SLCO6A1: variants seen among roughly 807,000 people sequenced by gnomAD.
SLCO6A1 encodes solute carrier organic anion transporter family member 6A1.
Under a neutral mutation model 72.7 loss-of-function variants are expected in SLCO6A1, and 65 were observed. That is an observed-to-expected ratio of 0.89 (90% CI 0.73 to 1.10). The LOEUF (loss-of-function observed/expected upper bound fraction) is 1.10, where lower values mean the gene tolerates loss of function less well. Ranked by LOEUF, SLCO6A1 falls within the 50% of genes least tolerant of loss-of-function variation. SLCO6A1 has a pLI of 0.00. For missense variants in SLCO6A1, 874 were observed against 872.6 expected (o/e 1.00, Z -0.02); for synonymous variants, 314 against 298.2 (o/e 1.05, Z -0.55).
chr5:102,413,720 A>G (rs1424704808), intron 8 of SLCO6A1, among the ~76,000 whole-genome samples: 7 of 152,144 alleles, frequency 4.6e-5, no homozygotes, highest in African/African-American at 1.7e-4. Context: ...GATATTTTAC[A>G]TTTCCATCAG....
At chr5:102,488,787 G>GA (rs1161823806) in intron 1 of SLCO6A1, among the ~76,000 whole-genome samples, 1 of 152,062 alleles carries the variant, frequency 6.6e-6, no homozygotes, top group Non-Finnish European at 1.5e-5. Context: ...TCACATCAGA[G>GA]AAAAAATTCT....
chr5:102,386,343 T>C (rs1746415987), intron 12 of SLCO6A1, among the ~76,000 whole-genome samples: 1 of 151,636 alleles, frequency 6.6e-6, no homozygotes, highest in African/African-American at 2.4e-5. Context: ...TTCATGGGGG[T>C]TGAGATGGTG....
intron 8 of SLCO6A1, among the ~76,000 whole-genome samples, chr5:102,414,267 T>C (rs1474058915): frequency 6.6e-6 from 1 of 152,180 alleles, no homozygotes; most frequent in African/African-American, 2.4e-5. Context: ...TGAATTAAAA[T>C]TCATTCATTT....
intron 6 of SLCO6A1, among the ~76,000 whole-genome samples, chr5:102,448,830 G>A (rs1015558079): frequency 6.6e-5 from 10 of 151,942 alleles, no homozygotes; most frequent in Non-Finnish European, 1.0e-4. Context: ...CCGACTCGAC[G>A]GTCTGTGCCT....
intron 1 of SLCO6A1, among the ~76,000 whole-genome samples, chr5:102,493,386 A>G (rs1752773163): frequency 6.6e-6 from 1 of 152,204 alleles, no homozygotes; most frequent in African/African-American, 2.4e-5. Flanking sequence ...TTAATACAAC[A>G]AATTTTTCCT....
chr5:102,465,232 C>T (rs1238971292), intron 4 of SLCO6A1, among the ~76,000 whole-genome samples: 1 of 151,992 alleles, frequency 6.6e-6, no homozygotes, highest in African/African-American at 2.4e-5. Context: ...TGGCCCAGTT[C>T]TCAGAGAGCA....
intron 4 of SLCO6A1, among the ~76,000 whole-genome samples, chr5:102,467,460 G>A (rs1227748495): frequency 6.6e-6 from 1 of 151,828 alleles, no homozygotes; most frequent in Non-Finnish European, 1.5e-5. Context: ...TTGTGCAGGG[G>A]ACCTCCCATT....
intron 1 of SLCO6A1, among the ~76,000 whole-genome samples, chr5:102,485,604 T>C (rs1170552563): frequency 2.0e-5 from 3 of 152,196 alleles, no homozygotes; most frequent in Admixed American, 2.0e-4. Context: ...TAGTAACACT[T>C]TGGATGTGTT....
rs1281736881 is a variant in SLCO6A1 at position 102,395,721 on chromosome 5, A to G, written c.1814+3834T>C. Among the ~76,000 whole-genome samples, 38 of 152,100 alleles carry G rather than the reference A, an allele frequency of 2.5e-4. 1 individual carries two copies. The highest frequency in any genetic ancestry group is 7.4e-5 in the Non-Finnish European group (5 of 68,026). On this transcript the variant is annotated intron_variant, in intron 10 of 13. Transcript: ENST00000506729. ...GCACCTCCTGTTTCCTGACTTTTTAATGATCACCATTCTAACTGGTGTGAG... is the reference window on the plus strand; with the variant it reads ...GCACCTCCTGTTTCCTGACTTTTTAGTGATCACCATTCTAACTGGTGTGAG...
intron 7 of SLCO6A1, among the ~76,000 whole-genome samples, chr5:102,433,879 G>T (rs1749356477): frequency 6.6e-6 from 1 of 152,016 alleles, no homozygotes; most frequent in Non-Finnish European, 1.5e-5. Context: ...CCAGCTTTTT[G>T]AGTTGTCGTA....
intron 9 of SLCO6A1, among the ~76,000 whole-genome samples, chr5:102,412,215 T>A (rs941370307): frequency 6.6e-6 from 1 of 151,808 alleles, no homozygotes; most frequent in Non-Finnish European, 1.5e-5. Flanking sequence ...AACCAATGTA[T>A]TTCTCAAATG....
intron 13 of SLCO6A1, 137 bp downstream of exon 13, chr5:102,373,195 TTATTA>T (rs1750719236): frequency 2.4e-6 from 1 of 416,052 alleles, no homozygotes; most frequent in East Asian, 6.0e-5. Flanking sequence ...ACAGACTATA[TTATTA>T]TATTTGCACT....
intron 9 of SLCO6A1, among the ~76,000 whole-genome samples, chr5:102,406,543 T>C (rs1747678182): frequency 6.7e-6 from 1 of 150,134 alleles, no homozygotes; most frequent in Non-Finnish European, 1.5e-5. Flanking sequence ...AATACAACAT[T>C]ATAAGCCATA....
At chr5:102,458,554 C>G in intron 5 of SLCO6A1, 63 bp from the exon 6 acceptor site, 1 of 1,034,672 alleles carries the variant, frequency 9.7e-7, no homozygotes, top group South Asian at 1.5e-5. Flanking sequence ...ATACATAAAA[C>G]CTACATACAC....
intron 8 of SLCO6A1, among the ~76,000 whole-genome samples, chr5:102,414,444 A>G (rs1668091860): frequency 6.6e-6 from 1 of 152,222 alleles, no homozygotes; most frequent in Non-Finnish European, 1.5e-5. Context: ...AAGTCAAATT[A>G]TCCCTGATCA....
At chr5:102,483,128 C>A (rs563396635) in intron 1 of SLCO6A1, among the ~76,000 whole-genome samples, 2 of 152,008 alleles carry the variant, frequency 1.3e-5, no homozygotes, top group African/African-American at 4.8e-5. Flanking sequence ...ATATTCGTAT[C>A]TATCTATCTA....
In SLCO6A1 at chr5:102,498,905, TGG is replaced by T; in HGVS notation, c.-63_-62del. 6.7e-7 allele frequency: 1 copy of T among 1,483,726 alleles called. No homozygotes were observed. Among genetic ancestry groups the T allele is most frequent in the Non-Finnish European group, 9.0e-7 (1 of 1,105,530 alleles). 91.9% of individuals were successfully genotyped at this position (1,483,726 alleles called of 1,614,324 possible). On this transcript the variant is annotated 5_prime_UTR_variant, in exon 1 of 14. Transcript: ENST00000506729. ...AGTGCTCTCGGCTGCCCGTCCTGCC[TGG>T]GCCAACCCAAAGGCCAGCCTGGCGA... is the stretch of plus-strand genomic sequence containing the variant.
chr5:102,386,403 C>A (rs987298974), intron 12 of SLCO6A1, among the ~76,000 whole-genome samples: 5 of 152,130 alleles, frequency 3.3e-5, no homozygotes, highest in Non-Finnish European at 7.3e-5. Context: ...TCTGCATCTG[C>A]AGAGGTGGTT....
intron 6 of SLCO6A1, 137 bp from the exon 7 acceptor site, chr5:102,438,898 T>TA (rs1554071487): frequency 4.8e-4 from 158 of 331,470 alleles, no homozygotes; most frequent in Non-Finnish European, 5.8e-4. Flanking sequence ...GATAGATAGA[T>TA]GATAGATAGA....
Sources: gnomAD v4.1 joint callset for allele counts (sites outside exome capture counted in the v4.1 genomes callset) on GRCh38, gnomAD v4.1.1 for gene constraint, MANE v1.5 for transcripts, NCBI Gene and HGNC (gene_info 2026-07-23, HGNC 2026-07-21) for gene names.